Variants in SRPK2 observed in about 807,000 individuals in gnomAD.
SRPK2 encodes the protein SRSF protein kinase 2.
A neutral mutation model predicts 90.8 loss-of-function variants in SRPK2; 21 were observed. That is an observed-to-expected ratio of 0.23 (90% confidence interval 0.16 to 0.33). The LOEUF (loss-of-function observed/expected upper bound fraction) is 0.33, where lower values mean the gene tolerates loss of function less well. SRPK2 is among the 10% of genes least tolerant of loss of function. The pLI, the probability that SRPK2 is intolerant of heterozygous loss-of-function variation, is 1.00. For synonymous variants in SRPK2, 288 were observed against 311.1 expected, an observed-to-expected ratio of 0.93 and a Z score of 0.78; for missense variants, 620 against 869.0, an observed-to-expected ratio of 0.71 and a Z score of 3.60.
intron 3 of SRPK2, among the ~76,000 whole-genome samples, chr7:105,174,981 C>T (rs1791645022): frequency 6.6e-6 from 1 of 151,996 alleles, no homozygotes; most frequent in East Asian, 1.9e-4. Context: ...GCCTCTCTTA[C>T]TAAAAATACA....
chr7:105,151,580 G>A (rs1805658027), intron 7 of SRPK2, among the ~76,000 whole-genome samples: 1 of 152,170 alleles, frequency 6.6e-6, no homozygotes, highest in Non-Finnish European at 1.5e-5. Context: ...TATGTTCCCA[G>A]GCTGGAGTGC....
chr7:105,350,035 C>G (rs1393748862), intron 2 of SRPK2, among the ~76,000 whole-genome samples: 2 of 151,044 alleles, frequency 1.3e-5, no homozygotes, highest in Non-Finnish European at 3.0e-5. Context: ...CTGTGCCTGG[C>G]CAAACAGTGC....
chr7:105,208,354 GTAC>G (rs1331777912), intron 2 of SRPK2, among the ~76,000 whole-genome samples: 2 of 152,124 alleles, frequency 1.3e-5, no homozygotes, highest in African/African-American at 4.8e-5. Flanking sequence ...GTTCAGAGAA[GTAC>G]TACTATTTTT....
At chr7:105,126,462 G>T in intron 14 of SRPK2, 122 bp from the exon 15 acceptor site, 1 of 731,344 alleles carries the variant, frequency 1.4e-6, no homozygotes, top group Non-Finnish European at 2.3e-6. Flanking sequence ...AACAGTGTCT[G>T]CAGCACATCC....
At chr7:105,363,858 A>G (rs1383037459) in intron 2 of SRPK2, among the ~76,000 whole-genome samples, 1 of 152,210 alleles carries the variant, frequency 6.6e-6, no homozygotes, top group African/African-American at 2.4e-5. Flanking sequence ...GCAGCCATAA[A>G]AAAGGATGAG....
downstream of SRPK2, among the ~76,000 whole-genome samples, chr7:105,115,080 T>C (rs1456165603): frequency 6.6e-6 from 1 of 152,228 alleles, no homozygotes; most frequent in African/African-American, 2.4e-5. Flanking sequence ...ACTACAGAAA[T>C]ATGCATACAG....
At chr7:105,303,001 G>A (rs982777969) in intron 2 of SRPK2, among the ~76,000 whole-genome samples, 5 of 152,038 alleles carry the variant, frequency 3.3e-5, no homozygotes, top group Non-Finnish European at 7.4e-5. Flanking sequence ...ATGAACCCAG[G>A]AGGCGGAGCT....
intron 3 of SRPK2, among the ~76,000 whole-genome samples, chr7:105,170,392 C>T (rs191597969): frequency 6.6e-6 from 1 of 151,962 alleles, no homozygotes; most frequent in Admixed American, 6.6e-5. Context: ...GGAAACATTC[C>T]TCACAAATGA....
At chr7:105,125,349 A>C (rs567515667) in intron 15 of SRPK2, among the ~76,000 whole-genome samples, 2 of 152,156 alleles carry the variant, frequency 1.3e-5, no homozygotes, top group Non-Finnish European at 2.9e-5. Context: ...AATGTGAGGT[A>C]CGCAGCATTT....
At chr7:105,380,742 T>A (rs1351999711) in intron 2 of SRPK2, among the ~76,000 whole-genome samples, 2 of 151,790 alleles carry the variant, frequency 1.3e-5, no homozygotes, top group Non-Finnish European at 2.9e-5. Flanking sequence ...CAGGATGGTC[T>A]TGATCTCCTG....
intron 7 of SRPK2, among the ~76,000 whole-genome samples, chr7:105,147,477 C>T (rs1248140391): frequency 6.6e-6 from 1 of 152,028 alleles, no homozygotes; most frequent in African/African-American, 2.4e-5. Context: ...GCCACCACGC[C>T]TGGCTAATTT....
rs1795837662 is a variant in SRPK2 at position 105,203,653 on chromosome 7, T to C, written c.204A>G (p.Gln68=). ...EEILGSDDEE[Q]EDPADYCKGG... ...CTTTGCAGTAGTCCGCAGGGTCCTC[T>C]TGCTCCTCATCATCTGATCCCAGGA... Residue 68 remains glutamine (Q), a synonymous_variant, in exon 3 of 16, where the codon CAA becomes CAG. Coordinates refer to ENST00000393651, the MANE Select transcript of SRPK2 (RefSeq NM_182692.3). 6.5e-7 allele frequency: 1 copy of C among 1,540,020 alleles called. No individual in the cohort carries two copies. The highest frequency in any genetic ancestry group is 1.3e-5 in the South Asian group (1 of 77,996).
intron 2 of SRPK2, among the ~76,000 whole-genome samples, chr7:105,235,593 A>G (rs1012097360): frequency 1.3e-5 from 2 of 152,202 alleles, no homozygotes; most frequent in Non-Finnish European, 2.9e-5. Context: ...TTGGTTTTAT[A>G]CACAAACAAA....
chr7:105,248,889 G>A (rs1347123039), intron 2 of SRPK2, among the ~76,000 whole-genome samples: 1 of 149,904 alleles, frequency 6.7e-6, no homozygotes, highest in Non-Finnish European at 1.5e-5. Context: ...TCGTGCCACT[G>A]CACTCCAGCC....
chr7:105,371,512 G>T (rs1218950760), intron 2 of SRPK2, among the ~76,000 whole-genome samples: 1 of 149,628 alleles, frequency 6.7e-6, no homozygotes, highest in Non-Finnish European at 1.5e-5. Context: ...AGCACTCTGG[G>T]AGGTTAGGGT....
intron 2 of SRPK2, among the ~76,000 whole-genome samples, chr7:105,373,611 C>A (rs1819956421): frequency 6.6e-6 from 1 of 152,060 alleles, no homozygotes; most frequent in Non-Finnish European, 1.5e-5. Context: ...TCATGTTGGC[C>A]AGGCTGGTCT....
chr7:105,353,721 C>G (rs998262415), intron 2 of SRPK2, among the ~76,000 whole-genome samples: 1 of 152,142 alleles, frequency 6.6e-6, no homozygotes, highest in African/African-American at 2.4e-5. Context: ...AAAACACTTT[C>G]CTTCTCCAGA....
At chr7:105,301,627 G>C (rs1272983263) in intron 2 of SRPK2, 13 of 1,609,962 alleles carry the variant, frequency 8.1e-6, no homozygotes, top group African/African-American at 1.3e-5. Flanking sequence ...ATATAGGATA[G>C]GTGAAAATGG....
intron 2 of SRPK2, chr7:105,298,882 A>G: frequency 1.4e-6 from 1 of 704,468 alleles, no homozygotes; most frequent in Non-Finnish European, 1.7e-6. Flanking sequence ...AATGTAGGCC[A>G]ACGCCTCATA....
Sources: gnomAD v4.1 joint callset for allele counts (sites outside exome capture counted in the v4.1 genomes callset) on GRCh38, gnomAD v4.1.1 for gene constraint, MANE v1.5 for transcripts, NCBI Gene and HGNC (gene_info 2026-07-23, HGNC 2026-07-21) for gene names.